CD28: variants seen among roughly 807,000 people sequenced by gnomAD.
The protein encoded by CD28 is T-cell-specific surface glycoprotein CD28.
A neutral mutation model predicts 21.4 loss-of-function variants in CD28; 8 were observed. The observed-to-expected ratio is 0.37, with a 90% CI of 0.22 to 0.68. The LOEUF is 0.68. Among genes scored for constraint, CD28 ranks in the 30% least tolerant of loss-of-function variants. The pLI, the probability that CD28 is intolerant of heterozygous loss-of-function variation, is 0.55. For synonymous variants in CD28, 106 were observed against 104.0 expected (o/e 1.02, Z -0.12); for missense variants, 239 against 272.2 (o/e 0.88, Z 0.86).
Position 203,735,002 on chromosome 2 carries a change from C to G in CD28, c.*90C>G. 3.3e-6 allele frequency: 5 copies of G among 1,511,934 alleles called. No homozygotes were observed. Among genetic ancestry groups the G allele is most frequent in the Non-Finnish European group, 3.6e-6 (4 of 1,120,738 alleles). The allele number at this position is 1,511,934 out of a possible 1,614,324, so 93.7% of individuals were successfully genotyped here. On this transcript the variant is annotated 3_prime_UTR_variant, in exon 4 of 4. Transcript: ENST00000324106. The stretch of plus-strand genomic sequence containing the variant: ...ATAGGAAATGACCGCCATCTCCAGC[C>G]GGCCACCTCAGGCCCCTGTTGGGCC...
At chr2:203,723,250 G>A (rs1693651803) in intron 1 of CD28, among the ~76,000 whole-genome samples, 1 of 152,086 alleles carries the variant, frequency 6.6e-6, no homozygotes, top group African/African-American at 2.4e-5. Flanking sequence ...TTGTATCAAG[G>A]CTGAGGCAGG....
At chr2:203,706,558 C>T (rs1201433106), upstream of CD28, 7 of 1,573,036 alleles carry the variant, frequency 4.4e-6, no homozygotes, top group Admixed American at 7.4e-5. Context: ...ATCATGTGCC[C>T]TAAGGGGATG....
At chr2:203,721,575 A>G (rs1693606793) in intron 1 of CD28, among the ~76,000 whole-genome samples, 1 of 151,802 alleles carries the variant, frequency 6.6e-6, no homozygotes, top group African/African-American at 2.4e-5. Context: ...CCCAGTCCCC[A>G]ACACAAAGAC....
At chr2:203,719,337 A>G (rs983037686) in intron 1 of CD28, among the ~76,000 whole-genome samples, 2 of 152,140 alleles carry the variant, frequency 1.3e-5, no homozygotes, top group African/African-American at 4.8e-5. Context: ...TTTTTGCAGG[A>G]TAAGACTCTA....
At position 203,734,879 on chromosome 2, in the gene CD28, C is replaced by T. The variant is rs1261909015; in HGVS notation, c.630C>T (p.Ala210=). The change falls in exon 4 of 4, where the codon GCC becomes GCT. Residue 210 remains alanine (A), a synonymous_variant. Coordinates refer to ENST00000324106, the MANE Select transcript of CD28 (RefSeq NM_006139.4). ...CCCGCAAGCATTACCAGCCCTATGC[C>T]CCACCACGCGACTTCGCAGCCTATC... ...GPTRKHYQPY[A]PPRDFAAYRS The T allele has an allele frequency of 1.2e-6, 2 of 1,614,218 alleles. No homozygotes were observed. The highest frequency in any genetic ancestry group is 8.5e-7 in the Non-Finnish European group (1 of 1,180,052).
chr2:203,729,813 C>A, intron 3 of CD28, 41 bp downstream of exon 3: 1 of 1,597,808 alleles, frequency 6.3e-7, no homozygotes, highest in Non-Finnish European at 8.5e-7. Context: ...TTTTCCACTG[C>A]ACATGAAATC....
intron 1 of CD28, among the ~76,000 whole-genome samples, chr2:203,724,679 CCCAG>C (rs1693692112): frequency 6.6e-6 from 1 of 152,142 alleles, no homozygotes; most frequent in African/African-American, 2.4e-5. Context: ...AGCCATCATC[CCCAG>C]CCAGCATTAT....
At chr2:203,718,650 G>A (rs1331470206) in intron 1 of CD28, among the ~76,000 whole-genome samples, 1 of 152,180 alleles carries the variant, frequency 6.6e-6, no homozygotes, top group Admixed American at 6.5e-5. Context: ...GATTCTGGAG[G>A]AAAATCACAT....
At chr2:203,718,740 G>A (rs1442129901) in intron 1 of CD28, among the ~76,000 whole-genome samples, 1 of 152,106 alleles carries the variant, frequency 6.6e-6, no homozygotes, top group Admixed American at 6.6e-5. Context: ...ATGGTGCTAC[G>A]ATAAAGAAAA....
At chr2:203,714,422 T>C (rs960223333) in intron 1 of CD28, among the ~76,000 whole-genome samples, 1 of 152,190 alleles carries the variant, frequency 6.6e-6, no homozygotes, top group Non-Finnish European at 1.5e-5. Context: ...ATCTTAGCAT[T>C]TCCCTGTGTG....
intron 3 of CD28, 23 bp from the exon 4 acceptor site, chr2:203,734,761 A>G (rs747144866): frequency 6.2e-7 from 1 of 1,613,896 alleles, no homozygotes; most frequent in Non-Finnish European, 8.5e-7. Context: ...GTCCCTCCAT[A>G]CTGACACTTC....
At chr2:203,727,488 CT>C (rs397960047) in intron 2 of CD28, among the ~76,000 whole-genome samples, 1 of 117,440 alleles carries the variant, frequency 8.5e-6, no homozygotes, top group Non-Finnish European at 1.9e-5. Flanking sequence ...TTTTCTTTTT[CT>C]TTTTTTTTGA....
chr2:203,714,315 T>G (rs115135469), intron 1 of CD28, among the ~76,000 whole-genome samples: 2,544 of 152,246 alleles, frequency 0.017, 45 homozygotes, highest in Middle Eastern at 0.065. Context: ...TGGCTAGGCT[T>G]GACCTCAGCT....
chr2:203,716,083 A>T lies in CD28; in HGVS notation c.52+9335A>T, dbSNP rs1408971809. 2.0e-5 allele frequency among the ~76,000 whole-genome samples: 3 copies of T among 152,142 alleles called. No homozygotes were observed. The East Asian group carries it at 5.8e-4, about 29-fold the overall frequency. On this transcript the variant is annotated intron_variant, in intron 1 of 3. Coordinates refer to ENST00000324106, the MANE Select transcript of CD28 (RefSeq NM_006139.4). ...AACTCAGACATCTTCAGCATCTCCC[A>T]TGGCCTTTCTGGTAAAATCTATGTG... is the stretch of plus-strand genomic sequence containing the variant.
At chr2:203,734,642 C>G (rs571930068) in intron 3 of CD28, 142 bp from the exon 4 acceptor site, 1 of 944,606 alleles carries the variant, frequency 1.1e-6, no homozygotes, top group Non-Finnish European at 1.7e-6. Flanking sequence ...TTAGTCATTA[C>G]CCAAGTCCAA....
rs1244832537 is a variant in CD28 at position 203,737,474 on chromosome 2, T to C, written c.*2562T>C. 3 of 150,532 alleles carry C rather than the reference T, an allele frequency of 2.0e-5. No individual in the cohort carries two copies. The highest frequency in any genetic ancestry group is 1.3e-4 in the Admixed American group (2 of 14,918). The allele number at this position is 150,532 out of a possible 1,614,324, so 9.3% of individuals were successfully genotyped here. On this transcript the variant is annotated 3_prime_UTR_variant, in exon 4 of 4. Coordinates refer to ENST00000324106, the MANE Select transcript of CD28 (RefSeq NM_006139.4). ...ACTTGATCTATGGTAATAAATGATT[T>C]TGTTTTCTGACTGGAAAAATAGGCC...
intron 1 of CD28, among the ~76,000 whole-genome samples, chr2:203,723,027 C>T (rs1017150807): frequency 6.6e-6 from 1 of 152,146 alleles, no homozygotes. Flanking sequence ...GGTCCTATAC[C>T]TAGAGATTCT....
intron 3 of CD28, among the ~76,000 whole-genome samples, chr2:203,733,211 T>C (rs898492896): frequency 1.3e-5 from 2 of 152,198 alleles, no homozygotes; most frequent in African/African-American, 4.8e-5. Context: ...CTTCATTGCA[T>C]TGTAGGATGT....
intron 3 of CD28, among the ~76,000 whole-genome samples, chr2:203,731,493 A>C (rs528090292): frequency 3.8e-4 from 58 of 152,214 alleles, no homozygotes; most frequent in Non-Finnish European, 6.6e-4. Flanking sequence ...CAGGAAAGGC[A>C]TTCCCCTGTG....
Sources: gnomAD v4.1 joint callset for allele counts (sites outside exome capture counted in the v4.1 genomes callset) on GRCh38, gnomAD v4.1.1 for gene constraint, MANE v1.5 for transcripts, NCBI Gene and HGNC (gene_info 2026-07-23, HGNC 2026-07-21) for gene names.